Variants in DLGAP1 observed in about 807,000 individuals in gnomAD.
The protein encoded by DLGAP1 is disks large-associated protein 1.
A neutral mutation model predicts 90.8 loss-of-function variants in DLGAP1; 11 were observed. That is an observed-to-expected ratio of 0.12 (90% CI 0.08 to 0.20). The LOEUF (loss-of-function observed/expected upper bound fraction) is 0.20, where lower values mean the gene tolerates loss of function less well. DLGAP1 is among the 10% of genes least tolerant of loss of function. The pLI is 1.00. For missense variants in DLGAP1, 1,050 were observed against 1,333.8 expected (o/e 0.79, Z 3.31); for synonymous variants, 558 against 540.7 (o/e 1.03, Z -0.44).
chr18:3,530,313 G>A (rs2051908413), intron 10 of DLGAP1, among the ~76,000 whole-genome samples: 1 of 152,144 alleles, frequency 6.6e-6, no homozygotes, highest in Non-Finnish European at 1.5e-5. Flanking sequence ...AGGCTGAGGT[G>A]GGAGGATCAC....
At chr18:4,120,431 C>T (rs542706004) in intron 2 of DLGAP1, among the ~76,000 whole-genome samples, 1 of 152,276 alleles carries the variant, frequency 6.6e-6, no homozygotes, top group South Asian at 2.1e-4. Flanking sequence ...GCACATCACT[C>T]GTGGCTTTTC....
intron 2 of DLGAP1, among the ~76,000 whole-genome samples, chr18:4,127,642 A>G (rs1391989784): frequency 6.6e-6 from 1 of 152,222 alleles, no homozygotes; most frequent in Non-Finnish European, 1.5e-5. Flanking sequence ...ATAACTCAGC[A>G]TAATTGTAAG....
chr18:3,523,202 G>A (rs1011409728), intron 10 of DLGAP1, among the ~76,000 whole-genome samples: 7 of 151,646 alleles, frequency 4.6e-5, no homozygotes, highest in Admixed American at 2.0e-4. Context: ...GTGAAACTCC[G>A]TCTCTACTAA....
rs2082939103 is a variant in DLGAP1, at chr18:4,417,900, T to C, written c.-267+37106A>G. Among the ~76,000 whole-genome samples, 3 of 152,130 alleles carry C rather than the reference T, an allele frequency of 2.0e-5. No individual in the cohort carries two copies. In the South Asian group the frequency reaches 6.2e-4, roughly 31 times the overall value. ...ACACTCCGCTGCTGCCACTTCTCAC[T>C]GCCAAGCTAAGATATCTTAAGTAAT... On this transcript the variant is annotated intron_variant, in intron 1 of 12. Coordinates refer to ENST00000315677, the MANE Select transcript of DLGAP1 (RefSeq NM_004746.4).
At chr18:4,204,396 T>C (rs1284844504) in intron 1 of DLGAP1, among the ~76,000 whole-genome samples, 4 of 152,218 alleles carry the variant, frequency 2.6e-5, no homozygotes, top group Admixed American at 2.6e-4. Context: ...AGGAAGTCAT[T>C]TTCTCAGGAA....
intron 1 of DLGAP1, among the ~76,000 whole-genome samples, chr18:4,333,046 C>T (rs1364570722): frequency 2.6e-5 from 4 of 151,866 alleles, no homozygotes; most frequent in African/African-American, 4.9e-5. Flanking sequence ...TTCATAGGTG[C>T]GCTACTTGCA....
intron 1 of DLGAP1, among the ~76,000 whole-genome samples, chr18:4,207,642 G>A (rs1349035170): frequency 6.6e-6 from 1 of 152,150 alleles, no homozygotes; most frequent in East Asian, 1.9e-4. Flanking sequence ...GGGTTTGGGA[G>A]CAGCTTCTGC....
At chr18:4,177,688 G>A (rs576264101) in intron 1 of DLGAP1, among the ~76,000 whole-genome samples, 2 of 152,120 alleles carry the variant, frequency 1.3e-5, no homozygotes, top group East Asian at 3.9e-4. Flanking sequence ...TCCATGTGTT[G>A]CTCCCACTTA....
chr18:3,742,310 C>G lies in DLGAP1; in HGVS notation c.1350+25G>C, dbSNP rs1598549761. On this transcript the variant is annotated intron_variant, in intron 6 of 12. Transcript: ENST00000315677. ...CCTTCCTGCCACTAATGGCTCCTGA[C>G]CACCGCTGCCCTGACGGCCCTCACC... 1.9e-6 allele frequency: 3 copies of G among 1,606,752 alleles called. No homozygotes were observed. The East Asian group carries it at 6.7e-5, about 36-fold the overall frequency.
At position 3,499,037 on chromosome 18, in the gene DLGAP1, C is replaced by T. The variant is rs2049790416; in HGVS notation, c.*148G>A. ...GGGCTGAGGGGGGCCCGGGGGGCGG[C>T]TCCTGCGAGGTGGACAACTACACCG... On this transcript the variant is annotated 3_prime_UTR_variant, in exon 13 of 13. Transcript: ENST00000315677. The surrounding 1 kb of genome is among the most constrained non-coding windows in gnomAD (Gnocchi z 6.4). The T allele has an allele frequency of 1.5e-6, 1 of 685,060 alleles. No individual in the cohort carries two copies. The highest frequency in any genetic ancestry group is 2.3e-6 in the Non-Finnish European group (1 of 432,514). The allele number at this position is 685,060 out of a possible 1,614,324, so 42.4% of individuals were successfully genotyped here.
intron 1 of DLGAP1, among the ~76,000 whole-genome samples, chr18:4,323,449 T>C (rs892342264): frequency 6.6e-6 from 1 of 152,154 alleles, no homozygotes; most frequent in Non-Finnish European, 1.5e-5. Flanking sequence ...ATAAAGGAAT[T>C]GAAATCAGTG....
rs185424096 is a variant in DLGAP1, at chr18:3,898,681, G to A, written c.-72-18541C>T. ...AATCTGTTGCTTTGCTATCACTGAT[G>A]TGCAGTTAGGCAATGTCCTTTAACT... On this transcript the variant is annotated intron_variant, in intron 3 of 12. Coordinates refer to ENST00000315677, the MANE Select transcript of DLGAP1 (RefSeq NM_004746.4). Among the ~76,000 whole-genome samples the A allele has an allele frequency of 3.3e-5, 5 of 152,314 alleles. No individual in the cohort carries two copies. The East Asian group carries it at 9.7e-4, about 29-fold the overall frequency.
At chr18:4,007,346 A>G (rs2074322978) in intron 2 of DLGAP1, among the ~76,000 whole-genome samples, 1 of 151,866 alleles carries the variant, frequency 6.6e-6, no homozygotes, top group Admixed American at 6.6e-5. Flanking sequence ...GTGCTGTTTT[A>G]TTACTTTCTT....
chr18:3,909,079 A>G (rs992023509), intron 3 of DLGAP1, among the ~76,000 whole-genome samples: 1 of 152,238 alleles, frequency 6.6e-6, no homozygotes, highest in East Asian at 1.9e-4. Context: ...TTTTCTCTAC[A>G]TTGGAAAATC....
intron 2 of DLGAP1, among the ~76,000 whole-genome samples, chr18:4,082,510 C>CAAAAAAAAAAAAAAAAAAAA (rs59735494): frequency 0.011 from 558 of 52,070 alleles, 14 homozygotes; most frequent in Middle Eastern, 0.024. Flanking sequence ...GACTTTGTCT[C>CAAAAAAAAAAAAAAAAAAAA]AAAAAAAAAA....
chr18:3,600,667 G>GATCTATAGAT lies in DLGAP1; in HGVS notation c.1592-18429_1592-18420dup, dbSNP rs1568276543. ...GAATGGAGATATAGATATCTATAGAGATCTATAGATATCTATAGAGATCTA... is the reference window on the plus strand; with the variant it reads ...GAATGGAGATATAGATATCTATAGAGATCTATAGATATCTATAGATATCTATAGAGATCTA... On this transcript the variant is annotated intron_variant, in intron 7 of 12. Transcript: ENST00000315677. Among the ~76,000 whole-genome samples the GATCTATAGAT allele has an allele frequency of 2.9e-4, 32 of 111,656 alleles. 2 individuals are homozygous for GATCTATAGAT. The highest frequency in any genetic ancestry group is 4.8e-4 in the East Asian group (2 of 4,176). The allele number at this position is 111,656 out of a possible 152,430, so 73.3% of individuals were successfully genotyped here.
chr18:4,381,992 G>A (rs617841), intron 1 of DLGAP1, among the ~76,000 whole-genome samples: 129,484 of 152,082 alleles, frequency 0.85, 59,042 homozygotes, highest in East Asian at 1. Context: ...TTATAAAACC[G>A]TGAGATCTCA....
chr18:4,264,858 G>A (rs2079072895), intron 1 of DLGAP1: 1 of 152,126 alleles, frequency 6.6e-6, no homozygotes, highest in African/African-American at 2.4e-5. Flanking sequence ...CTTTCTCCAG[G>A]TGCACCAACC....
chr18:3,663,468 G>A, intron 7 of DLGAP1, among the ~76,000 whole-genome samples: 1 of 152,146 alleles, frequency 6.6e-6, no homozygotes, highest in East Asian at 1.9e-4. Flanking sequence ...ATTCCCTTTG[G>A]TCTGAGTGGG....
Sources: gnomAD v4.1 joint callset for allele counts (sites outside exome capture counted in the v4.1 genomes callset) on GRCh38, gnomAD v4.1.1 for gene constraint, Gnocchi (gnomAD v3.1) non-coding constraint, MANE v1.5 for transcripts, NCBI Gene and HGNC (gene_info 2026-07-23, HGNC 2026-07-21) for gene names.